The following IGF2BP2 variants were observed in gnomAD, a reference collection of about 807,000 sequenced individuals.
IGF2BP2 encodes the protein insulin like growth factor 2 mRNA binding protein 2.
A neutral mutation model predicts 75.8 loss-of-function variants in IGF2BP2; 17 were observed. The ratio of observed to expected loss-of-function variants is 0.22; its 90% confidence interval spans 0.15 to 0.34. IGF2BP2 has a LOEUF of 0.34. Among genes scored for constraint, IGF2BP2 ranks in the 10% least tolerant of loss-of-function variants. The probability of loss-of-function intolerance (pLI) is 1.00; values close to 1 mark genes in which losing one functional copy is unlikely to be tolerated. For synonymous variants in IGF2BP2, 288 were observed against 295.6 expected (o/e 0.97, Z 0.26); for missense variants, 516 against 772.4 (o/e 0.67, Z 3.93).
chr3:185,661,635 CAAAAAAA>C (rs562781189), intron 10 of IGF2BP2, among the ~76,000 whole-genome samples: 6 of 39,616 alleles, frequency 1.5e-4, no homozygotes, highest in Admixed American at 5.2e-4. Context: ...AAGACTGTCT[CAAAAAAA>C]AAAAAAAAAA....
At chr3:185,679,042 A>C (rs1577939482) in intron 7 of IGF2BP2, among the ~76,000 whole-genome samples, 1 of 152,312 alleles carries the variant, frequency 6.6e-6, no homozygotes, top group East Asian at 1.9e-4. Context: ...CTTGTAGGCC[A>C]CATACAGTTA....
chr3:185,677,068 T>TATATATATATTATATATATAGAGAG, intron 7 of IGF2BP2, among the ~76,000 whole-genome samples: 4 of 35,862 alleles, frequency 1.1e-4, no homozygotes, highest in African/African-American at 4.7e-4. Context: ...TATATATATA[T>TATATATATATTATATATATAGAGAG]AGAGAGAGAG....
intron 2 of IGF2BP2, among the ~76,000 whole-genome samples, chr3:185,749,915 C>T (rs975125506): frequency 6.6e-6 from 1 of 152,142 alleles, no homozygotes; most frequent in South Asian, 2.1e-4. Context: ...TAAAAGTACA[C>T]CAAAAATACA....
At chr3:185,739,263 A>G (rs1331442384) in intron 2 of IGF2BP2, among the ~76,000 whole-genome samples, 1 of 152,246 alleles carries the variant, frequency 6.6e-6, no homozygotes, top group African/African-American at 2.4e-5. Flanking sequence ...TCAAAGCCCA[A>G]ACATCACTGC....
chr3:185,686,476 TTTCTACTACTTAAGGAAATG>T (rs2149303102), intron 7 of IGF2BP2, among the ~76,000 whole-genome samples: 1 of 152,028 alleles, frequency 6.6e-6, no homozygotes, highest in Admixed American at 6.5e-5. Flanking sequence ...TGTAAACTAG[TTTCTACTACTTAAGGAAATG>T]TAATCCAATG....
chr3:185,791,229 T>G lies in IGF2BP2; in HGVS notation c.239+31924A>C, dbSNP rs988992532. 4.2e-4 allele frequency among the ~76,000 whole-genome samples: 64 copies of G among 152,222 alleles called. 1 individual carries two copies. Among genetic ancestry groups the G allele is most frequent in the Admixed American group, 4.2e-3 (64 of 15,276 alleles). ...AGGTGATTAACAAACCTTTGATGAA[T>G]AAGTACATAAAAAGATCAATAAATA... On this transcript the variant is annotated intron_variant, in intron 2 of 15. Transcript: ENST00000382199.
intron 2 of IGF2BP2, among the ~76,000 whole-genome samples, chr3:185,699,350 G>A (rs1286358353): frequency 3.3e-5 from 5 of 152,152 alleles, no homozygotes; most frequent in Non-Finnish European, 4.4e-5. Context: ...ACCCCAAAGT[G>A]TACCTAGGCT....
intron 2 of IGF2BP2, among the ~76,000 whole-genome samples, chr3:185,720,370 G>A (rs1726335656): frequency 6.6e-6 from 1 of 152,168 alleles, no homozygotes. Context: ...TTTAGATGGA[G>A]TGTTGCTCTT....
intron 2 of IGF2BP2, among the ~76,000 whole-genome samples, chr3:185,815,478 G>A (rs77159894): frequency 0.021 from 3,202 of 152,296 alleles, 101 homozygotes; most frequent in African/African-American, 0.073. Context: ...TCAGGAGCAA[G>A]GAGTTATTTT....
chr3:185,726,588 C>T (rs1004718534), intron 2 of IGF2BP2, among the ~76,000 whole-genome samples: 1 of 152,182 alleles, frequency 6.6e-6, no homozygotes, highest in Admixed American at 6.5e-5. Flanking sequence ...GACCCAATAC[C>T]TATCTTTCAG....
chr3:185,665,239 A>G (rs1422244114), intron 10 of IGF2BP2, among the ~76,000 whole-genome samples: 63 of 121,582 alleles, frequency 5.2e-4, no homozygotes, highest in South Asian at 8.9e-4. Context: ...GGAGGAGGAG[A>G]AGGAGAAGAA....
At chr3:185,752,484 CCCT>C (rs1408553842) in intron 2 of IGF2BP2, among the ~76,000 whole-genome samples, 1 of 152,218 alleles carries the variant, frequency 6.6e-6, no homozygotes, top group South Asian at 2.1e-4. Flanking sequence ...AAACATTTCC[CCCT>C]AATTTTGTTT....
chr3:185,799,263 T>C (rs975135646), intron 2 of IGF2BP2, among the ~76,000 whole-genome samples: 1 of 151,696 alleles, frequency 6.6e-6, no homozygotes, highest in African/African-American at 2.4e-5. Flanking sequence ...CAAGGTGTGG[T>C]GTCATGTGCC....
At position 185,757,353 on chromosome 3, in the gene IGF2BP2, T is replaced by C. The variant is rs140663423; in HGVS notation, c.240-59006A>G. 1.1e-4 allele frequency among the ~76,000 whole-genome samples: 17 copies of C among 152,172 alleles called. No homozygotes were observed. The East Asian group carries it at 3.3e-3, about 29-fold the overall frequency. On this transcript the variant is annotated intron_variant, in intron 2 of 15. Transcript: ENST00000382199. The stretch of plus-strand genomic sequence containing the variant: ...AAGTTAGTTGCTGAGTAGAAAATGG[T>C]GAAAAAAACTCCACACAAACAGGGT...
At chr3:185,664,730 T>C (rs1717010733) in intron 10 of IGF2BP2, among the ~76,000 whole-genome samples, 1 of 152,154 alleles carries the variant, frequency 6.6e-6, no homozygotes. Context: ...ACGAGACTGT[T>C]AAACCACACA....
intron 2 of IGF2BP2, among the ~76,000 whole-genome samples, chr3:185,757,262 T>C (rs907863016): frequency 1.3e-5 from 2 of 152,218 alleles, no homozygotes; most frequent in African/African-American, 4.8e-5. Context: ...ACTAAGCACT[T>C]GCCTCTGCAT....
At chr3:185,779,294 G>A (rs573593219) in intron 2 of IGF2BP2, among the ~76,000 whole-genome samples, 27 of 152,260 alleles carry the variant, frequency 1.8e-4, no homozygotes, top group Admixed American at 1.6e-3. Context: ...TTTTCAAAGT[G>A]TATTGTGAGC....
chr3:185,761,015 G>C (rs1264904404), intron 2 of IGF2BP2, among the ~76,000 whole-genome samples: 8 of 151,426 alleles, frequency 5.3e-5, no homozygotes, highest in African/African-American at 1.7e-4. Context: ...TTTTTTGAGG[G>C]GGGGAACCAG....
intron 4 of IGF2BP2, 89 bp from the exon 5 acceptor site, chr3:185,692,851 G>T: frequency 9.0e-7 from 1 of 1,113,598 alleles, no homozygotes; most frequent in Non-Finnish European, 1.4e-6. Flanking sequence ...AGAGAAAAAT[G>T]CATAAAACCC....
Sources: allele counts gnomAD v4.1 joint callset (sites outside exome capture counted in the v4.1 genomes callset), GRCh38; gene constraint gnomAD v4.1.1; transcripts MANE v1.5; gene names NCBI Gene and HGNC (gene_info 2026-07-23, HGNC 2026-07-21).